SLCO3A1: variants seen among roughly 807,000 people sequenced by gnomAD.
SLCO3A1 encodes PGE1 transporter.
A neutral mutation model predicts 63.1 loss-of-function variants in SLCO3A1; 27 were observed. The ratio of observed to expected loss-of-function variants is 0.43; its 90% confidence interval spans 0.32 to 0.59. The LOEUF (loss-of-function observed/expected upper bound fraction) is 0.59, where lower values mean the gene tolerates loss of function less well. SLCO3A1 is among the 20% of genes least tolerant of loss of function. The pLI is 0.09. For missense variants in SLCO3A1, 773 were observed against 945.8 expected, an observed-to-expected ratio of 0.82 and a Z score of 2.40; for synonymous variants, 473 against 409.9, an observed-to-expected ratio of 1.15 and a Z score of -1.86.
chr15:92,152,877 C>T (rs2048325418), intron 9 of SLCO3A1, among the ~76,000 whole-genome samples: 7 of 152,356 alleles, frequency 4.6e-5, no homozygotes, highest in Middle Eastern at 3.4e-3. Context: ...CCCTCCTCAT[C>T]TGTGGAGTTG....
chr15:91,907,879 G>T (rs980947785), intron 1 of SLCO3A1, among the ~76,000 whole-genome samples: 26 of 152,140 alleles, frequency 1.7e-4, no homozygotes, highest in African/African-American at 6.3e-4. Context: ...CAGACTAGGT[G>T]ATCAGAGAGA....
At chr15:92,106,401 T>A (rs1295874775) in intron 4 of SLCO3A1, among the ~76,000 whole-genome samples, 1 of 152,120 alleles carries the variant, frequency 6.6e-6, no homozygotes, top group Non-Finnish European at 1.5e-5. Flanking sequence ...GGAGGGTGCC[T>A]GCGACTCCCC....
intron 5 of SLCO3A1, among the ~76,000 whole-genome samples, chr15:92,124,553 C>T (rs1043991094): frequency 2.1e-4 from 32 of 152,094 alleles, no homozygotes; most frequent in Admixed American, 6.6e-5. Context: ...ATGCCCACTC[C>T]GTGCTGGGTA....
intron 2 of SLCO3A1, among the ~76,000 whole-genome samples, chr15:92,027,365 T>G (rs2046587884): frequency 6.6e-6 from 1 of 152,374 alleles, no homozygotes; most frequent in Middle Eastern, 3.4e-3. Context: ...GGCTAATGCC[T>G]TTACATACGT....
chr15:92,156,665 TTAAACCTTCCAGGAG>T (rs2048375152), intron 9 of SLCO3A1, among the ~76,000 whole-genome samples: 1 of 152,242 alleles, frequency 6.6e-6, no homozygotes, highest in Non-Finnish European at 1.5e-5. Context: ...AGAGAACTCA[TTAAACCTTCCAGGAG>T]AATACACTTT....
At chr15:91,928,490 A>G (rs1339620009) in intron 2 of SLCO3A1, among the ~76,000 whole-genome samples, 1 of 152,066 alleles carries the variant, frequency 6.6e-6, no homozygotes, top group African/African-American at 2.4e-5. Flanking sequence ...TTCCCATCGT[A>G]TGCTACCCCT....
At chr15:92,109,622 C>T (rs374484494) in intron 4 of SLCO3A1, among the ~76,000 whole-genome samples, 1 of 152,128 alleles carries the variant, frequency 6.6e-6, no homozygotes, top group Admixed American at 6.5e-5. Context: ...TGTCACTGAG[C>T]GCTTCATGCT....
At chr15:92,067,042 G>T (rs1325712944) in intron 2 of SLCO3A1, among the ~76,000 whole-genome samples, 1 of 152,202 alleles carries the variant, frequency 6.6e-6, no homozygotes, top group African/African-American at 2.4e-5. Flanking sequence ...TAAATATTAG[G>T]AGAGAAGAGT....
chr15:92,153,357 T>C (rs1421269754), intron 9 of SLCO3A1: 1 of 152,214 alleles, frequency 6.6e-6, no homozygotes, highest in Non-Finnish European at 1.5e-5. Context: ...ACCCACCCTA[T>C]TGATTTTATT....
intron 2 of SLCO3A1, among the ~76,000 whole-genome samples, chr15:92,015,876 A>C (rs2151466163): frequency 6.6e-6 from 1 of 152,328 alleles, no homozygotes; most frequent in Admixed American, 6.5e-5. Context: ...TGGTGAAGGC[A>C]GGAGCTGATA....
At chr15:91,992,184 G>A (rs2046134472) in intron 2 of SLCO3A1, among the ~76,000 whole-genome samples, 1 of 152,244 alleles carries the variant, frequency 6.6e-6, no homozygotes. Context: ...CAAGGTGAGT[G>A]TTTTGTCTAT....
At chr15:91,901,312 A>C (rs1057482720) in intron 1 of SLCO3A1, among the ~76,000 whole-genome samples, 2 of 152,212 alleles carry the variant, frequency 1.3e-5, no homozygotes, top group Admixed American at 1.3e-4. Context: ...TATTACATCT[A>C]TATCTTATAA....
chr15:92,127,968 A>T (rs1475107961), intron 6 of SLCO3A1, among the ~76,000 whole-genome samples: 1 of 152,064 alleles, frequency 6.6e-6, no homozygotes, highest in Non-Finnish European at 1.5e-5. Context: ...CAATCAGGAG[A>T]GGCATCGTGG....
intron 2 of SLCO3A1, among the ~76,000 whole-genome samples, chr15:91,944,610 A>G (rs926299278): frequency 6.6e-6 from 1 of 152,040 alleles, no homozygotes; most frequent in African/African-American, 2.4e-5. Context: ...TATTATGACA[A>G]TGCAAGTCCT....
chr15:91,902,527 T>G (rs1898186224), intron 1 of SLCO3A1, among the ~76,000 whole-genome samples: 1 of 151,956 alleles, frequency 6.6e-6, no homozygotes, highest in Admixed American at 6.6e-5. Flanking sequence ...TTGCAATCAA[T>G]ATTGCTTTCC....
chr15:92,051,280 G>C (rs1449909692), intron 2 of SLCO3A1, among the ~76,000 whole-genome samples: 2 of 152,192 alleles, frequency 1.3e-5, no homozygotes, highest in Non-Finnish European at 2.9e-5. Context: ...GATTTCATCA[G>C]AGGCAACAGC....
At chr15:91,960,001 T>G (rs1398675333) in intron 2 of SLCO3A1, among the ~76,000 whole-genome samples, 1 of 152,058 alleles carries the variant, frequency 6.6e-6, no homozygotes, top group Admixed American at 6.6e-5. Context: ...TTGTTTGTTT[T>G]GAGATGGAGT....
intron 2 of SLCO3A1, among the ~76,000 whole-genome samples, chr15:92,066,158 G>T (rs2047148696): frequency 6.6e-6 from 1 of 152,214 alleles, no homozygotes; most frequent in Non-Finnish European, 1.5e-5. Context: ...GCATTAACCT[G>T]CTGCATCCCT....
At position 91,967,470 on chromosome 15, in the gene SLCO3A1, T is replaced by C. The variant is rs1413047889; in HGVS notation, c.646+51012T>C. ...TTATGCTTTTCTTTGGCTAATAGTA[T>C]CATTTGTCTCCCCACCTCTCCTGTA... On this transcript the variant is annotated intron_variant, in intron 2 of 9. Transcript: ENST00000318445. This position sits in a 1 kb window ranked among gnomAD's most constrained non-coding sequence, Gnocchi z 4.4. Among the ~76,000 whole-genome samples the C allele has an allele frequency of 6.6e-6, 1 of 152,204 alleles. No homozygotes were observed. Among genetic ancestry groups the C allele is most frequent in the Non-Finnish European group, 1.5e-5 (1 of 68,050 alleles).
Sources: allele counts gnomAD v4.1 joint callset (sites outside exome capture counted in the v4.1 genomes callset), GRCh38; gene constraint gnomAD v4.1.1; non-coding constraint Gnocchi (gnomAD v3.1); transcripts MANE v1.5; gene names NCBI Gene and HGNC (gene_info 2026-07-23, HGNC 2026-07-21).